Variants in OXR1 observed in about 807,000 individuals in gnomAD.
OXR1 encodes the protein oxidation resistance 1.
Under a neutral mutation model 104.6 loss-of-function variants are expected in OXR1, and 41 were observed. The observed-to-expected ratio is 0.39, with a 90% CI of 0.31 to 0.51. OXR1 has a LOEUF of 0.51. Ranked by LOEUF, OXR1 falls within the 20% of genes least tolerant of loss-of-function variation. OXR1 has a pLI of 0.77. For missense variants in OXR1, 955 were observed against 1,031.9 expected, an observed-to-expected ratio of 0.93 and a Z score of 1.02; for synonymous variants, 348 against 348.4, an observed-to-expected ratio of 1.00 and a Z score of 0.01.
At chr8:106,584,929 G>T (rs1818519884) in intron 3 of OXR1, among the ~76,000 whole-genome samples, 1 of 151,992 alleles carries the variant, frequency 6.6e-6, no homozygotes, top group East Asian at 1.9e-4. Flanking sequence ...GGATTGGGGG[G>T]ATTGCTTTAT....
intron 1 of OXR1, among the ~76,000 whole-genome samples, chr8:106,287,933 A>G (rs1290638649): frequency 2.0e-5 from 3 of 152,246 alleles, no homozygotes; most frequent in African/African-American, 4.8e-5. Context: ...CAGATGGAAC[A>G]TTTCATAGTC....
chr8:106,276,292 A>G (rs747153864), intron 1 of OXR1, among the ~76,000 whole-genome samples: 2 of 152,230 alleles, frequency 1.3e-5, no homozygotes, highest in Non-Finnish European at 2.9e-5. Flanking sequence ...CTTCTGGATC[A>G]TGAAGCCTGG....
chr8:106,527,782 T>C (rs1813800675), intron 3 of OXR1, among the ~76,000 whole-genome samples: 1 of 152,258 alleles, frequency 6.6e-6, no homozygotes, highest in Non-Finnish European at 1.5e-5. Context: ...GTGAGTGGAA[T>C]TAAGTCTCTG....
chr8:106,375,422 T>C (rs374771549), intron 2 of OXR1, among the ~76,000 whole-genome samples: 2 of 152,212 alleles, frequency 1.3e-5, no homozygotes, highest in African/African-American at 4.8e-5. Flanking sequence ...GTTTGTTTGA[T>C]AGTCCTCCAT....
chr8:106,349,655 A>G (rs1459336253), intron 1 of OXR1, among the ~76,000 whole-genome samples: 2 of 152,206 alleles, frequency 1.3e-5, no homozygotes, highest in East Asian at 1.9e-4. Context: ...CAATATTACC[A>G]TATGGAAAAA....
intron 3 of OXR1, among the ~76,000 whole-genome samples, chr8:106,538,842 A>G (rs147403976): frequency 2.3e-3 from 348 of 152,312 alleles, no homozygotes; most frequent in African/African-American, 7.8e-3. Flanking sequence ...ACGTGGGGAA[A>G]AGGAAAAAGT....
chr8:106,378,540 A>G (rs1230823620), intron 2 of OXR1, among the ~76,000 whole-genome samples: 1 of 152,000 alleles, frequency 6.6e-6, no homozygotes, highest in Non-Finnish European at 1.5e-5. Context: ...ACGGAGTTTC[A>G]CTGTTGTTGC....
intron 2 of OXR1, among the ~76,000 whole-genome samples, chr8:106,511,020 C>T (rs1812488725): frequency 6.6e-6 from 1 of 152,156 alleles, no homozygotes; most frequent in South Asian, 2.1e-4. Context: ...TTTAAGGGCA[C>T]AAAGAATAGT....
intron 3 of OXR1, among the ~76,000 whole-genome samples, chr8:106,652,197 G>A (rs1824639735): frequency 6.6e-6 from 1 of 152,068 alleles, no homozygotes; most frequent in African/African-American, 2.4e-5. Context: ...CTCTATCTTA[G>A]TGCTGAGTAG....
chr8:106,504,657 C>A (rs1812036723), intron 2 of OXR1, among the ~76,000 whole-genome samples: 1 of 152,076 alleles, frequency 6.6e-6, no homozygotes, highest in African/African-American at 2.4e-5. Context: ...GATGTAAAAG[C>A]CTTCTAATCT....
At chr8:106,288,530 A>ATGTG (rs139132173) in intron 1 of OXR1, among the ~76,000 whole-genome samples, 33 of 131,510 alleles carry the variant, frequency 2.5e-4, no homozygotes, top group African/African-American at 4.0e-4. Context: ...ATATATATGT[A>ATGTG]TGTGTGTGTG....
intron 2 of OXR1, among the ~76,000 whole-genome samples, chr8:106,421,098 A>T (rs987404833): frequency 6.6e-6 from 1 of 152,136 alleles, no homozygotes; most frequent in Admixed American, 6.6e-5. Context: ...ATAGTTCCAA[A>T]ATAGAATTAT....
At chr8:106,659,878 G>A (rs1010996163) in intron 3 of OXR1, among the ~76,000 whole-genome samples, 2 of 152,126 alleles carry the variant, frequency 1.3e-5, no homozygotes, top group African/African-American at 4.8e-5. Flanking sequence ...TCAAAGTGGC[G>A]CTTCTGAAGT....
intron 6 of OXR1, among the ~76,000 whole-genome samples, chr8:106,690,548 C>T (rs1587103156): frequency 6.8e-6 from 1 of 147,382 alleles, no homozygotes; most frequent in South Asian, 2.1e-4. Context: ...TTTAACATCA[C>T]AAGAAATGGG....
Position 106,487,335 on chromosome 8 carries a change from A to ATTTC in OXR1, c.24-31604_24-31601dup, listed in dbSNP as rs1554581695. ...CACCACTCCCTGATCTAAACCAGGT[A>ATTTC]TTTCTTTTTTTTTTTTTTTTATGCT... On this transcript the variant is annotated intron_variant, in intron 2 of 16. Transcript: ENST00000517566. 1.3e-3 allele frequency among the ~76,000 whole-genome samples: 51 copies of ATTTC among 40,226 alleles called. 1 individual carries two copies. Among genetic ancestry groups the ATTTC allele is most frequent in the Non-Finnish European group, 2.6e-3 (47 of 18,422 alleles). 26.4% of individuals were successfully genotyped at this position (40,226 alleles called of 152,430 possible).
intron 2 of OXR1, among the ~76,000 whole-genome samples, chr8:106,506,053 G>T (rs1032980148): frequency 2.0e-5 from 3 of 151,966 alleles, no homozygotes; most frequent in Non-Finnish European, 2.9e-5. Context: ...TAATAGAAAG[G>T]GTTTATTGAT....
At chr8:106,468,367 G>A (rs1407771286) in intron 2 of OXR1, among the ~76,000 whole-genome samples, 3 of 151,798 alleles carry the variant, frequency 2.0e-5, no homozygotes, top group East Asian at 3.9e-4. Context: ...ACATTTGAGC[G>A]AGTATGTGAT....
At chr8:106,328,674 T>TAA (rs1814582075) in intron 1 of OXR1, among the ~76,000 whole-genome samples, 1 of 151,926 alleles carries the variant, frequency 6.6e-6, no homozygotes, top group African/African-American at 2.4e-5. Flanking sequence ...GAGCAAAGAA[T>TAA]AAAGAATAAA....
At chr8:106,456,620 CATG>C (rs1457884484) in intron 2 of OXR1, among the ~76,000 whole-genome samples, 1 of 152,062 alleles carries the variant, frequency 6.6e-6, no homozygotes, top group Non-Finnish European at 1.5e-5. Context: ...TTCTCCACAC[CATG>C]ATTTCACCTA....
Sources: gnomAD v4.1 joint callset for allele counts (sites outside exome capture counted in the v4.1 genomes callset) on GRCh38, gnomAD v4.1.1 for gene constraint, MANE v1.5 for transcripts, NCBI Gene and HGNC (gene_info 2026-07-23, HGNC 2026-07-21) for gene names.